The following SPTBN5 variants were observed in gnomAD, a reference collection of about 807,000 sequenced individuals.
The protein encoded by SPTBN5 is spectrin beta chain, non-erythrocytic 5.
In SPTBN5, 513 loss-of-function variants were observed where a neutral mutation model predicts 477.6. The observed-to-expected ratio is 1.07, with a 90% CI of 1.00 to 1.16. The LOEUF is 1.16. Among genes scored for constraint, SPTBN5 ranks in the 50% most tolerant of loss-of-function variants. The pLI is 0.00. For synonymous variants in SPTBN5, 2,169 were observed against 2,011.7 expected (o/e 1.08, Z -2.09); for missense variants, 5,062 against 4,731.8 (o/e 1.07, Z -2.05).
rs951072341 is a variant in SPTBN5, at chr15:41,856,904, C to T, written c.8757G>A (p.Gln2919=). Reference sequence around the variant, plus strand: ...CCGCACTCAGGCTCTGGCCATAGTCCTGGGCAGCGGCCAGAGGCAGCTTCT... The same window carrying T: ...CCGCACTCAGGCTCTGGCCATAGTCTTGGGCAGCGGCCAGAGGCAGCTTCT... ...VQEKLPLAAA[Q]DYGQSLSAVR... Residue 2919 remains glutamine, a synonymous_variant, in exon 52 of 68, where the codon CAG becomes CAA. Transcript: ENST00000320955. 1.8e-5 allele frequency: 28 copies of T among 1,553,158 alleles called. No homozygotes were observed. The highest frequency in any genetic ancestry group is 2.4e-5 in the Non-Finnish European group (27 of 1,148,560).
At chr15:41,877,779 C>T (rs913612294) in intron 17 of SPTBN5, among the ~76,000 whole-genome samples, 2 of 152,246 alleles carry the variant, frequency 1.3e-5, no homozygotes, top group African/African-American at 2.4e-5. Flanking sequence ...GAACCAGGTA[C>T]TGGAGTCTGG....
In SPTBN5 at chr15:41,860,633, G is replaced by T. The variant is rs968291410; in HGVS notation, c.7941C>A (p.His2647Gln). 1 of 1,533,128 alleles carries T rather than the reference G, an allele frequency of 6.5e-7. No homozygotes were observed. Among genetic ancestry groups the T allele is most frequent in the Non-Finnish European group, 8.8e-7 (1 of 1,138,700 alleles). 95.0% of individuals were successfully genotyped at this position (1,533,128 alleles called of 1,614,324 possible). The change falls in exon 47 of 68, where the codon CAC becomes CAA. Residue 2647 changes from histidine (H) to glutamine (Q), a missense_variant. Physicochemically the swap from His to Gln is conservative, Grantham distance 24. Transcript: ENST00000320955. The stretch of plus-strand genomic sequence containing the variant: ...TGCCCAGGGCACTCTGGGCCTCGGG[G>T]TGCCCACCCTGGTGCAGGCCGCGGG... The part of the protein sequence containing the change: ...ATARGLHQGG[H>Q]PEAQSALGRC...
At chr15:41,883,882 C>T (rs1053733946) in intron 7 of SPTBN5, among the ~76,000 whole-genome samples, 11 of 152,228 alleles carry the variant, frequency 7.2e-5, no homozygotes, top group African/African-American at 2.7e-4. Flanking sequence ...CCTCCACCTC[C>T]CGGGTTCAAG....
In SPTBN5 at chr15:41,855,386, G is replaced by A. The variant is rs543269481; in HGVS notation, c.9261C>T (p.His3087=). The A allele has an allele frequency of 2.9e-5, 46 of 1,604,546 alleles. No individual in the cohort carries two copies. Among genetic ancestry groups the A allele is most frequent in the South Asian group, 3.3e-5 (3 of 91,022 alleles). ...CCTCCGCCCTCCGCAGCAGCTCTGC[G>A]TGGGCCTCCCGAACTGCCTGCAGCT... ...LAQLQAVREA[H]AELLRRAEAR... is the part of the protein sequence containing the mutation. The change falls in exon 55 of 68, where the codon CAC becomes CAT. Residue 3087 remains histidine, a synonymous_variant. Transcript: ENST00000320955.
At chr15:41,870,590 G>T in intron 29 of SPTBN5, 30 bp from the exon 30 acceptor site, 1 of 1,577,646 alleles carries the variant, frequency 6.3e-7, no homozygotes, top group Non-Finnish European at 8.6e-7. Flanking sequence ...GACCAGCCGG[G>T]GATCAGCTGC....
rs773317086 is a variant in SPTBN5 at position 41,851,799 on chromosome 15, G to A, written c.10636C>T (p.Leu3546=). The part of the protein sequence containing the change: ...MEGSLEFKQH[L]LPGGRQPSSS... ...CTCACCTGCCTCCCGCCAGGCAGCA[G>A]GTGCTGCTTGAACTCCAAAGACCCC... is the stretch of plus-strand genomic sequence containing the variant. The change falls in exon 63 of 68, where the codon CTG becomes TTG. Residue 3546 remains leucine (L), a synonymous_variant. Transcript: ENST00000320955. 1 of 1,610,196 alleles carries A rather than the reference G, an allele frequency of 6.2e-7. No individual in the cohort carries two copies. Among genetic ancestry groups the A allele is most frequent in the African/African-American group, 1.3e-5 (1 of 74,838 alleles).
At chr15:41,876,386 C>T (rs1176731287) in intron 20 of SPTBN5, 102 bp from the exon 21 acceptor site, 6 of 1,430,638 alleles carry the variant, frequency 4.2e-6, no homozygotes, top group African/African-American at 1.4e-5. Flanking sequence ...CTGTTTTCCT[C>T]CTCAGGAAAA....
chr15:41,860,599 C>T lies in SPTBN5; in HGVS notation c.7975G>A (p.Ala2659Thr), dbSNP rs1407743851. 1.4e-6 allele frequency: 2 copies of T among 1,469,118 alleles called. No individual in the cohort carries two copies. The highest frequency in any genetic ancestry group is 9.0e-7 in the Non-Finnish European group (1 of 1,105,552). The allele number at this position is 1,469,118 out of a possible 1,614,324, so 91.0% of individuals were successfully genotyped here. A position where few individuals can be genotyped will look rare whatever the true frequency, so the allele number is the denominator to read the frequency against. The change falls in exon 47 of 68, where the codon GCC (alanine) becomes ACC (threonine). Residue 2659 changes from alanine to threonine, a missense_variant. Coordinates refer to ENST00000320955, the MANE Select transcript of SPTBN5 (RefSeq NM_016642.4). The stretch of plus-strand genomic sequence containing the variant: ...AGCCACCACTACCTCAGAAGCATGG[C>T]CTGGCACCTGCCCAGGGCACTCTGG... ...EAQSALGRCQ[A>T]MLLRKEALFR...
chr15:41,868,729 C>T (rs1054329226), intron 32 of SPTBN5, 128 bp from the exon 33 acceptor site: 5 of 822,260 alleles, frequency 6.1e-6, no homozygotes, highest in African/African-American at 3.4e-5. Context: ...GTCAGGGCCT[C>T]GGGTGAGGCA....
In SPTBN5 at chr15:41,869,881, T is replaced by C; in HGVS notation, c.5813A>G (p.Gln1938Arg). 1.3e-6 allele frequency: 2 copies of C among 1,553,598 alleles called. No homozygotes were observed. The highest frequency in any genetic ancestry group is 2.4e-5 in the East Asian group (1 of 42,464). ...LQRRMEQRRA[Q>R]LERARLLARF... Reference sequence around the variant, plus strand: ...GGCCAGGAGGCGTGCCCGCTCCAGCTGGGCCCTGCGCTGCTCCATGCGTCG... The same window carrying C: ...GGCCAGGAGGCGTGCCCGCTCCAGCCGGGCCCTGCGCTGCTCCATGCGTCG... Residue 1938 changes from glutamine (Q) to arginine (R), a missense_variant, in exon 32 of 68, where the codon CAG becomes CGG. Transcript: ENST00000320955.
At chr15:41,850,832 G>T in intron 66 of SPTBN5, 22 bp downstream of exon 66, 2 of 1,571,104 alleles carry the variant, frequency 1.3e-6, no homozygotes, top group African/African-American at 2.7e-5. Flanking sequence ...CGCCCTCCCC[G>T]CATCCTTCCC....
chr15:41,874,428 G>A lies in SPTBN5; in HGVS notation c.4553C>T (p.Ala1518Val), dbSNP rs1348432982. ...HLAIRGLQLQ[A>V]SVELHQFCHL... is the part of the protein sequence containing the mutation. ...GCAGAACTGGTGCAGCTCCACTGAG[G>A]CCTGCAGCTGCAGGCCCCGGATGGC... Residue 1518 changes from alanine (A) to valine (V), a missense_variant, in exon 24 of 68, where the codon GCC becomes GTC. Coordinates refer to ENST00000320955, the MANE Select transcript of SPTBN5 (RefSeq NM_016642.4). 2 of 1,612,762 alleles carry A rather than the reference G, an allele frequency of 1.2e-6. No individual in the cohort carries two copies. Among genetic ancestry groups the A allele is most frequent in the Non-Finnish European group, 1.7e-6 (2 of 1,179,690 alleles).
chr15:41,863,594 G>A (rs2140930444), intron 41 of SPTBN5, 110 bp downstream of exon 41: 1 of 832,872 alleles, frequency 1.2e-6, no homozygotes, highest in Non-Finnish European at 2.0e-6. Context: ...GTACCCAGCT[G>A]AACAGGAGAG....
At chr15:41,891,563 G>A (rs529331850) in intron 3 of SPTBN5, among the ~76,000 whole-genome samples, 8 of 152,178 alleles carry the variant, frequency 5.3e-5, no homozygotes, top group Non-Finnish European at 7.4e-5. Flanking sequence ...GGGTATTAAC[G>A]CCATAGGATC....
At chr15:41,866,894 A>G in intron 36 of SPTBN5, 65 bp downstream of exon 36, 1 of 1,484,856 alleles carries the variant, frequency 6.7e-7, no homozygotes, top group South Asian at 1.3e-5. Flanking sequence ...TTGCGGTGTG[A>G]AGGCGGCTGA....
rs779481225 is a variant in SPTBN5, at chr15:41,887,395, G to A, written c.706C>T (p.His236Tyr). The change falls in exon 6 of 68, where the codon CAC becomes TAC. Residue 236 changes from histidine to tyrosine, a missense_variant. Physicochemically the swap from His to Tyr is moderately conservative, Grantham distance 83. Coordinates refer to ENST00000320955, the MANE Select transcript of SPTBN5 (RefSeq NM_016642.4). ...ACCAGGAAAGCAAAAGCAAGGTTGT[G>A]CAGTGGGCGGTCTGGACGCAGGGAG... ...YGSLRPDRPLHNLAFAFLVAE... is the reference protein window; with the variant it reads ...YGSLRPDRPLYNLAFAFLVAE... The A allele has an allele frequency of 3.2e-6, 5 of 1,554,050 alleles. No homozygotes were observed. The African/African-American group carries it at 5.5e-5, about 17-fold the overall frequency.
Position 41,874,948 on chromosome 15 carries a change from T to G in SPTBN5, c.4396A>C (p.Ser1466Arg). 1 of 1,613,564 alleles carries G rather than the reference T, an allele frequency of 6.2e-7. No individual in the cohort carries two copies. The highest frequency in any genetic ancestry group is 8.5e-7 in the Non-Finnish European group (1 of 1,179,860). The change falls in exon 23 of 68, where the codon AGT becomes CGT. Residue 1466 changes from serine (S) to arginine (R), a missense_variant. Transcript: ENST00000320955. ...RLQKRHQQLE[S>R]ESRTLAAKMA... ...TTGGCAGCCAGGGTCCGGCTCTCAC[T>G]CTCCAGCTGTTGGTGCCGTTTCTGC... is the stretch of plus-strand genomic sequence containing the variant.
At chr15:41,873,016 A>C (rs1474393228) in intron 26 of SPTBN5, among the ~76,000 whole-genome samples, 4 of 152,144 alleles carry the variant, frequency 2.6e-5, no homozygotes, top group Non-Finnish European at 4.4e-5. Flanking sequence ...GGGAGTCCGA[A>C]TTCAGGAGTG....
intron 67 of SPTBN5, 135 bp from the exon 68 acceptor site, chr15:41,848,763 C>G: frequency 9.4e-7 from 1 of 1,066,874 alleles, no homozygotes; most frequent in Non-Finnish European, 1.5e-6. Flanking sequence ...GATTCCAGAG[C>G]TGACTGACAG....
Sources: allele counts gnomAD v4.1 joint callset (sites outside exome capture counted in the v4.1 genomes callset), GRCh38; gene constraint gnomAD v4.1.1; transcripts MANE v1.5; gene names NCBI Gene and HGNC (gene_info 2026-07-23, HGNC 2026-07-21).